The following ADAMTS9 variants were observed in gnomAD, a reference collection of about 807,000 sequenced individuals.
ADAMTS9 encodes ADAM metallopeptidase with thrombospondin type 1 motif 9.
Under a neutral mutation model 257.1 loss-of-function variants are expected in ADAMTS9, and 107 were observed. The ratio of observed to expected loss-of-function variants is 0.42; its 90% CI spans 0.36 to 0.49. ADAMTS9 has a LOEUF of 0.49. ADAMTS9 is among the 20% of genes least tolerant of loss of function. ADAMTS9 has a pLI of 0.03. For synonymous variants in ADAMTS9, 982 were observed against 880.9 expected (o/e 1.11, Z -2.03); for missense variants, 2,353 against 2,469.1 (o/e 0.95, Z 1.00).
intron 28 of ADAMTS9, among the ~76,000 whole-genome samples, chr3:64,591,844 C>A (rs998756362): frequency 6.6e-6 from 1 of 152,152 alleles, no homozygotes; most frequent in African/African-American, 2.4e-5. Context: ...TTAATTGCTA[C>A]CCTTGGTCCC....
intron 12 of ADAMTS9, among the ~76,000 whole-genome samples, chr3:64,639,442 T>C (rs1700585899): frequency 6.6e-6 from 1 of 152,136 alleles, no homozygotes; most frequent in Non-Finnish European, 1.5e-5. Flanking sequence ...CAAGATCCTT[T>C]TCTGCTGAGA....
intron 3 of ADAMTS9, among the ~76,000 whole-genome samples, chr3:64,669,253 C>T (rs1701424825): frequency 6.6e-6 from 1 of 152,196 alleles, no homozygotes; most frequent in African/African-American, 2.4e-5. Context: ...AAGCTTGAGA[C>T]AACTTCTTGA....
chr3:64,534,500 C>T (rs113356589), intron 37 of ADAMTS9, among the ~76,000 whole-genome samples: 3 of 152,300 alleles, frequency 2.0e-5, no homozygotes, highest in African/African-American at 7.2e-5. Flanking sequence ...ATTGAATCAG[C>T]TATGGTTTGT....
At chr3:64,519,792 T>C (rs1383344902) in intron 39 of ADAMTS9, among the ~76,000 whole-genome samples, 2 of 152,024 alleles carry the variant, frequency 1.3e-5, no homozygotes, top group Admixed American at 6.6e-5. Context: ...CAAAAGAACA[T>C]ACCTCAAAAT....
intron 22 of ADAMTS9, among the ~76,000 whole-genome samples, chr3:64,612,529 C>T (rs1362678788): frequency 6.6e-6 from 1 of 152,144 alleles, no homozygotes; most frequent in African/African-American, 2.4e-5. Context: ...ACTGCTTCCA[C>T]TTGTTGCATG....
intron 3 of ADAMTS9, among the ~76,000 whole-genome samples, chr3:64,673,778 T>C (rs1701554250): frequency 6.6e-6 from 1 of 152,068 alleles, no homozygotes; most frequent in Admixed American, 6.6e-5. Context: ...AGATTTATCA[T>C]GAAATATTTA....
Position 64,568,552 on chromosome 3 carries a change from T to C in ADAMTS9, c.4357-17A>G. On this transcript the variant is annotated splice_polypyrimidine_tract_variant and intron_variant, in intron 28 of 39. Transcript: ENST00000498707. ...GACAGAACACTGCAATATAAAGCAATGGCAAGGTTGTTGTTGTTTTTTAAT... is the reference window on the plus strand; with the variant it reads ...GACAGAACACTGCAATATAAAGCAACGGCAAGGTTGTTGTTGTTTTTTAAT... The C allele has an allele frequency of 1.9e-6, 3 of 1,609,238 alleles. No individual in the cohort carries two copies. Among genetic ancestry groups the C allele is most frequent in the Non-Finnish European group, 2.5e-6 (3 of 1,178,808 alleles).
chr3:64,543,462 C>T (rs1402467661), intron 32 of ADAMTS9, among the ~76,000 whole-genome samples: 1 of 152,178 alleles, frequency 6.6e-6, no homozygotes, highest in Admixed American at 6.5e-5. Flanking sequence ...GCTGGTTCAA[C>T]ATATGCAAAT....
At chr3:64,555,396 C>A (rs1359174453) in intron 30 of ADAMTS9, among the ~76,000 whole-genome samples, 1 of 150,640 alleles carries the variant, frequency 6.6e-6, no homozygotes, top group African/African-American at 2.5e-5. Flanking sequence ...TTCAATCAAT[C>A]AGTATTTTAC....
chr3:64,632,277 G>C (rs1458741816), intron 14 of ADAMTS9, among the ~76,000 whole-genome samples: 2 of 151,896 alleles, frequency 1.3e-5, no homozygotes, highest in Non-Finnish European at 2.9e-5. Context: ...TTAAAAAATT[G>C]CTTAGGAATG....
At position 64,687,423 on chromosome 3, in the gene ADAMTS9, G is replaced by T; in HGVS notation, c.115+120C>A. ...CAAAGAAGGGAGAGGCTGCAAAGCG[G>T]GAGATAATTCTTTCTAGGAAAAGGA... On this transcript the variant is annotated intron_variant, in intron 1 of 39. Coordinates refer to ENST00000498707, the MANE Select transcript of ADAMTS9 (RefSeq NM_182920.2). This position sits in a 1 kb window ranked among gnomAD's most constrained non-coding sequence, Gnocchi z 4.4. 1.2e-6 allele frequency: 1 copy of T among 832,772 alleles called. No individual in the cohort carries two copies. The highest frequency in any genetic ancestry group is 1.8e-6 in the Non-Finnish European group (1 of 555,288). The allele number at this position is 832,772 out of a possible 1,614,324, so 51.6% of individuals were successfully genotyped here. A position where few individuals can be genotyped will look rare whatever the true frequency, so the allele number is the denominator to read the frequency against.
At chr3:64,525,194 AAATG>A (rs1403661736) in intron 38 of ADAMTS9, among the ~76,000 whole-genome samples, 4 of 152,216 alleles carry the variant, frequency 2.6e-5, no homozygotes, top group Admixed American at 2.0e-4. Flanking sequence ...TACATTTGTT[AAATG>A]AATGAATGAA....
chr3:64,530,511 A>G, intron 38 of ADAMTS9, among the ~76,000 whole-genome samples: 1 of 147,554 alleles, frequency 6.8e-6, no homozygotes, highest in Non-Finnish European at 1.5e-5. Flanking sequence ...TGAACTGCCA[A>G]GGAACACCAA....
At chr3:64,683,671 T>C (rs943419396) in intron 2 of ADAMTS9, among the ~76,000 whole-genome samples, 2 of 152,248 alleles carry the variant, frequency 1.3e-5, no homozygotes, top group African/African-American at 4.8e-5. Flanking sequence ...CCAAAATTAA[T>C]TGTACTGTTG....
intron 28 of ADAMTS9, among the ~76,000 whole-genome samples, chr3:64,590,920 C>T (rs989267596): frequency 1.3e-5 from 2 of 152,116 alleles, no homozygotes; most frequent in African/African-American, 4.8e-5. Context: ...CACCGAAGAC[C>T]CATCTTGGAT....
chr3:64,568,582 CGGAGTTTG>C, intron 28 of ADAMTS9, 47 bp from the exon 29 acceptor site: 2 of 1,597,638 alleles, frequency 1.3e-6, no homozygotes, highest in Admixed American at 1.8e-5. Flanking sequence ...TTTAATTACA[CGGAGTTTG>C]AGAAAAAACC....
rs80053492 is a variant in ADAMTS9, at chr3:64,677,164, G to T, written c.679+4037C>A. Among the ~76,000 whole-genome samples the T allele has an allele frequency of 8.1e-4, 124 of 152,254 alleles. 2 individuals are homozygous for T. In the East Asian group the frequency reaches 0.023, roughly 29 times the overall value. The stretch of plus-strand genomic sequence containing the variant: ...TGCCCCTGGTGTGTGGGGCTAGCAG[G>T]CAGTGAGCACAGTGAATTTTACTGA... On this transcript the variant is annotated intron_variant, in intron 3 of 39. Coordinates refer to ENST00000498707, the MANE Select transcript of ADAMTS9 (RefSeq NM_182920.2).
Position 64,666,663 on chromosome 3 carries a change from G to T in ADAMTS9, c.680-7872C>A, listed in dbSNP as rs923702926. ...GATGGTAATAACAGCATACTGCAAA[G>T]AGTAACTGTGGAGATTAAAAGAGAT... On this transcript the variant is annotated intron_variant, in intron 3 of 39. Coordinates refer to ENST00000498707, the MANE Select transcript of ADAMTS9 (RefSeq NM_182920.2). Among the ~76,000 whole-genome samples the T allele has an allele frequency of 6.6e-5, 10 of 152,272 alleles. No homozygotes were observed. The South Asian group carries it at 1.9e-3, about 28-fold the overall frequency.
chr3:64,576,393 C>G (rs570937859), intron 28 of ADAMTS9, among the ~76,000 whole-genome samples: 23 of 152,296 alleles, frequency 1.5e-4, no homozygotes, highest in Non-Finnish European at 3.1e-4. Context: ...AGTCCTTTGT[C>G]AAAAAACACA....
Sources: allele counts gnomAD v4.1 joint callset (sites outside exome capture counted in the v4.1 genomes callset), GRCh38; gene constraint gnomAD v4.1.1; non-coding constraint Gnocchi (gnomAD v3.1); transcripts MANE v1.5; gene names NCBI Gene and HGNC (gene_info 2026-07-23, HGNC 2026-07-21).